The following C3orf20 variants were observed in gnomAD, a reference collection of about 807,000 sequenced individuals.
C3orf20 encodes the protein family with sequence similarity 149 member C, also known as uncharacterized protein C3orf20.
A neutral mutation model predicts 88.3 loss-of-function variants in C3orf20; 76 were observed. That is an observed-to-expected ratio of 0.86 (90% CI 0.72 to 1.04). The LOEUF is 1.04. C3orf20 is among the 50% of genes least tolerant of loss of function. The pLI is 0.00. For synonymous variants in C3orf20, 436 were observed against 437.4 expected (o/e 1.00, Z 0.04); for missense variants, 1,056 against 1,123.3 (o/e 0.94, Z 0.86).
chr3:14,710,654 CT>C (rs1352178631), intron 7 of C3orf20, among the ~76,000 whole-genome samples: 2 of 152,140 alleles, frequency 1.3e-5, no homozygotes, highest in African/African-American at 4.8e-5. Flanking sequence ...TCCCTATTTT[CT>C]TTTGTTAGTG....
intron 8 of C3orf20, 41 bp from the exon 9 acceptor site, chr3:14,715,247 CA>C (rs2033894714): frequency 6.3e-7 from 1 of 1,597,222 alleles, no homozygotes; most frequent in Non-Finnish European, 8.5e-7. Context: ...GAGCTTCCTT[CA>C]GGGGCCCGGT....
At position 14,684,258 on chromosome 3, in the gene C3orf20, G is replaced by A. The variant is rs1469395012; in HGVS notation, c.501G>A (p.Leu167=). The A allele has an allele frequency of 1.2e-6, 2 of 1,614,126 alleles. No individual in the cohort carries two copies. Among genetic ancestry groups the A allele is most frequent in the Non-Finnish European group, 1.7e-6 (2 of 1,180,020 alleles). Reference sequence around the variant, plus strand: ...TTGCTTTAGTGGGTGCCAACCCCTTGGACATCACCAGGCGCTTTGTGGAGG... The same window carrying A: ...TTGCTTTAGTGGGTGCCAACCCCTTAGACATCACCAGGCGCTTTGTGGAGG... ...VESMSVGANP[L]DITRRFVEAS... Residue 167 remains leucine, a synonymous_variant, in exon 4 of 17, where the codon TTG becomes TTA. Transcript: ENST00000253697.
At chr3:14,717,468 A>G (rs1442778513) in intron 9 of C3orf20, among the ~76,000 whole-genome samples, 1 of 152,030 alleles carries the variant, frequency 6.6e-6, no homozygotes, top group Non-Finnish European at 1.5e-5. Context: ...CGAGTCTGCA[A>G]AGGTTGAAGC....
chr3:14,731,581 C>T (rs185199513), intron 12 of C3orf20, among the ~76,000 whole-genome samples: 148 of 152,232 alleles, frequency 9.7e-4, no homozygotes, highest in African/African-American at 3.3e-3. Context: ...AATGCAGTAA[C>T]GTGTGCAATG....
intron 12 of C3orf20, among the ~76,000 whole-genome samples, chr3:14,747,640 T>A (rs934692345): frequency 3.9e-5 from 6 of 152,158 alleles, no homozygotes; most frequent in Non-Finnish European, 8.8e-5. Context: ...ATTTTTCTCT[T>A]CAGTCATCCC....
chr3:14,737,367 G>C (rs375457660), intron 12 of C3orf20, among the ~76,000 whole-genome samples: 15 of 151,856 alleles, frequency 9.9e-5, no homozygotes, highest in African/African-American at 3.4e-4. Context: ...AAATATTGTA[G>C]ATTTGGTTCC....
At chr3:14,727,270 A>T (rs547477395) in intron 11 of C3orf20, among the ~76,000 whole-genome samples, 25 of 151,994 alleles carry the variant, frequency 1.6e-4, no homozygotes, top group Admixed American at 5.9e-4. Context: ...TCTCTCCCAG[A>T]GTGTCTTGCA....
At chr3:14,744,432 A>G (rs1352307148) in intron 12 of C3orf20, among the ~76,000 whole-genome samples, 1 of 151,866 alleles carries the variant, frequency 6.6e-6, no homozygotes, top group Non-Finnish European at 1.5e-5. Flanking sequence ...GGAAGTTCCA[A>G]AATTTCCCAC....
intron 5 of C3orf20, among the ~76,000 whole-genome samples, chr3:14,696,494 A>G (rs935195677): frequency 2.0e-5 from 3 of 151,528 alleles, no homozygotes; most frequent in Non-Finnish European, 4.4e-5. Context: ...GAGTTCAAGC[A>G]AGCCTCCTGC....
chr3:14,749,688 G>A lies in C3orf20; in HGVS notation c.1941-7683G>A, dbSNP rs1183034321. ...ATTCCTCCATCATTGCCTTTTTTAC[G>A]TTTAATTGATTTTTTTTTTTTACTG... On this transcript the variant is annotated intron_variant, in intron 12 of 16. Transcript: ENST00000253697. Among the ~76,000 whole-genome samples, 4 of 108,434 alleles carry A rather than the reference G, an allele frequency of 3.7e-5. 1 individual carries two copies. The South Asian group carries it at 1.0e-3, about 28-fold the overall frequency. The allele number at this position is 108,434 out of a possible 152,430, so 71.1% of individuals were successfully genotyped here. A position where few individuals can be genotyped will look rare whatever the true frequency, so the allele number is the denominator to read the frequency against.
chr3:14,696,295 A>C (rs1037884970), intron 5 of C3orf20, among the ~76,000 whole-genome samples: 1 of 149,840 alleles, frequency 6.7e-6, no homozygotes, highest in Middle Eastern at 3.2e-3. Context: ...CCTTAACTTC[A>C]TCCCCCCACA....
chr3:14,714,266 G>A, intron 8 of C3orf20, 107 bp downstream of exon 8: 3 of 1,274,958 alleles, frequency 2.4e-6, no homozygotes, highest in Non-Finnish European at 3.3e-6. Context: ...AAGCCAGGCG[G>A]TGTCCAGAGA....
Position 14,678,292 on chromosome 3 carries a change from C to T in C3orf20, c.-299+3040C>T, listed in dbSNP as rs111559446. On this transcript the variant is annotated intron_variant, in intron 1 of 16. Transcript: ENST00000253697. ...CTTGAAGGTGGGGACTAGTGTCACA[C>T]GTGGCCATTGGGAACATCACACAGA... Among the ~76,000 whole-genome samples the T allele has an allele frequency of 5.3e-3, 813 of 152,360 alleles. 4 individuals are homozygous for T. Among genetic ancestry groups the T allele is most frequent in the African/African-American group, 0.017 (723 of 41,584 alleles).
chr3:14,697,602 G>T (rs1015635849), intron 5 of C3orf20, among the ~76,000 whole-genome samples: 2 of 151,770 alleles, frequency 1.3e-5, no homozygotes, highest in Non-Finnish European at 2.9e-5. Flanking sequence ...TGCACAATGT[G>T]CAGGTTTGAT....
At chr3:14,749,323 T>G (rs2035153280) in intron 12 of C3orf20, among the ~76,000 whole-genome samples, 1 of 152,214 alleles carries the variant, frequency 6.6e-6, no homozygotes, top group African/African-American at 2.4e-5. Flanking sequence ...GTTTTCAATC[T>G]TTCATTTTAA....
intron 11 of C3orf20, among the ~76,000 whole-genome samples, chr3:14,728,002 G>A (rs1449595598): frequency 6.6e-6 from 1 of 152,074 alleles, no homozygotes; most frequent in Non-Finnish European, 1.5e-5. Context: ...AGTCTAGTAG[G>A]GAAAGCAAGA....
At chr3:14,712,548 A>G (rs976760390) in intron 7 of C3orf20, among the ~76,000 whole-genome samples, 14 of 152,198 alleles carry the variant, frequency 9.2e-5, no homozygotes, top group African/African-American at 3.1e-4. Flanking sequence ...CTGCTCCTAT[A>G]TAGCTGTATC....
At chr3:14,731,817 G>T (rs529803595) in intron 12 of C3orf20, among the ~76,000 whole-genome samples, 1 of 152,176 alleles carries the variant, frequency 6.6e-6, no homozygotes, top group Non-Finnish European at 1.5e-5. Flanking sequence ...AAAGATAACA[G>T]CCTCAAGCCT....
intron 12 of C3orf20, among the ~76,000 whole-genome samples, chr3:14,744,162 C>T (rs570849786): frequency 2.6e-5 from 4 of 152,120 alleles, no homozygotes; most frequent in African/African-American, 7.2e-5. Context: ...TTTAACAACA[C>T]CCAGGTTACC....
Sources: allele counts gnomAD v4.1 joint callset (sites outside exome capture counted in the v4.1 genomes callset), GRCh38; gene constraint gnomAD v4.1.1; transcripts MANE v1.5; gene names NCBI Gene and HGNC (gene_info 2026-07-23, HGNC 2026-07-21).